GUCY1A2: variants seen among roughly 807,000 people sequenced by gnomAD.
The protein encoded by GUCY1A2 is guanylate cyclase soluble subunit alpha-2.
In GUCY1A2, 27 loss-of-function variants were observed where a neutral mutation model predicts 63.5. That is an observed-to-expected ratio of 0.43 (90% CI 0.31 to 0.59). GUCY1A2 has a LOEUF of 0.59. GUCY1A2 is among the 20% of genes least tolerant of loss of function. The pLI is 0.11. For synonymous variants in GUCY1A2, 364 were observed against 343.5 expected (o/e 1.06, Z -0.66); for missense variants, 768 against 913.3 (o/e 0.84, Z 2.05).
At chr11:106,974,526 AAC>A (rs1288082478) in intron 3 of GUCY1A2, among the ~76,000 whole-genome samples, 1 of 152,156 alleles carries the variant, frequency 6.6e-6, no homozygotes, top group Non-Finnish European at 1.5e-5. Context: ...CTTATAAAAA[AAC>A]AGAGAGTTCC....
At chr11:106,890,649 A>C (rs567907886) in intron 4 of GUCY1A2, among the ~76,000 whole-genome samples, 1 of 152,262 alleles carries the variant, frequency 6.6e-6, no homozygotes, top group Admixed American at 6.5e-5. Flanking sequence ...CTATCCAATC[A>C]ATTTTTACAC....
At chr11:107,008,670 G>A (rs1163113313) in intron 1 of GUCY1A2, among the ~76,000 whole-genome samples, 1 of 152,120 alleles carries the variant, frequency 6.6e-6, no homozygotes, top group Non-Finnish European at 1.5e-5. Context: ...CCATCTCAAA[G>A]AGGCAGAATA....
chr11:106,969,713 T>C (rs1039365998), intron 3 of GUCY1A2, among the ~76,000 whole-genome samples: 2 of 152,186 alleles, frequency 1.3e-5, no homozygotes, highest in African/African-American at 2.4e-5. Context: ...AAGGGAAGAA[T>C]AATCTTCCTT....
At chr11:106,836,027 TGATTC>T (rs1859112558) in intron 4 of GUCY1A2, among the ~76,000 whole-genome samples, 1 of 152,032 alleles carries the variant, frequency 6.6e-6, no homozygotes, top group South Asian at 2.1e-4. Flanking sequence ...GCATCCCAAA[TGATTC>T]TTTGTATTGA....
chr11:106,738,280 T>C (rs1359933240), intron 6 of GUCY1A2, among the ~76,000 whole-genome samples: 6 of 152,210 alleles, frequency 3.9e-5, no homozygotes, highest in African/African-American at 1.4e-4. Context: ...CTTTGTAGAA[T>C]CTGGGTATTA....
chr11:106,971,791 G>A (rs1296615182), intron 3 of GUCY1A2, among the ~76,000 whole-genome samples: 1 of 152,122 alleles, frequency 6.6e-6, no homozygotes, highest in Non-Finnish European at 1.5e-5. Context: ...TACAACCAAT[G>A]CCCAGGTCAT....
At chr11:106,936,734 C>T (rs1450866326) in intron 4 of GUCY1A2, 8 of 1,439,086 alleles carry the variant, frequency 5.6e-6, no homozygotes, top group South Asian at 1.2e-5. Context: ...TTTTTTATGG[C>T]AGACGTAGTG....
chr11:106,945,651 A>T (rs1860817310), intron 3 of GUCY1A2, among the ~76,000 whole-genome samples: 1 of 152,248 alleles, frequency 6.6e-6, no homozygotes, highest in South Asian at 2.1e-4. Context: ...GGACAGTTGT[A>T]GTATGAACAT....
At chr11:106,879,610 T>C (rs1237213893) in intron 4 of GUCY1A2, among the ~76,000 whole-genome samples, 1 of 152,120 alleles carries the variant, frequency 6.6e-6, no homozygotes, top group East Asian at 1.9e-4. Flanking sequence ...GGTTTGAGGT[T>C]TGTTCCAGTG....
chr11:106,708,989 A>ATATT (rs1862970984), intron 6 of GUCY1A2, among the ~76,000 whole-genome samples: 1 of 150,710 alleles, frequency 6.6e-6, no homozygotes, highest in Non-Finnish European at 1.5e-5. Context: ...CTTGAAAAGT[A>ATATT]TATTTTTCTC....
chr11:106,870,436 A>C (rs1267262477), intron 4 of GUCY1A2, among the ~76,000 whole-genome samples: 1 of 152,134 alleles, frequency 6.6e-6, no homozygotes, highest in Non-Finnish European at 1.5e-5. Context: ...ATGTACAAGA[A>C]TTCCAAATTC....
intron 4 of GUCY1A2, among the ~76,000 whole-genome samples, chr11:106,838,749 T>C (rs1399907026): frequency 2.6e-5 from 4 of 152,088 alleles, no homozygotes; most frequent in Non-Finnish European, 5.9e-5. Context: ...GAGCATTTTT[T>C]CATGTCTGTT....
intron 6 of GUCY1A2, among the ~76,000 whole-genome samples, chr11:106,734,527 A>G (rs1863556124): frequency 6.6e-6 from 1 of 152,132 alleles, no homozygotes; most frequent in Non-Finnish European, 1.5e-5. Context: ...AAACCATGAC[A>G]TGTTTGCATA....
chr11:106,719,042 T>C (rs901434643), intron 6 of GUCY1A2, among the ~76,000 whole-genome samples: 4 of 152,124 alleles, frequency 2.6e-5, no homozygotes, highest in Non-Finnish European at 5.9e-5. Flanking sequence ...AATCATTCTG[T>C]GATATTTTAG....
At chr11:106,991,053 A>C (rs1861464157) in intron 1 of GUCY1A2, among the ~76,000 whole-genome samples, 1 of 152,132 alleles carries the variant, frequency 6.6e-6, no homozygotes, top group Non-Finnish European at 1.5e-5. Flanking sequence ...GCAATGGTGC[A>C]ATCTCAGCTC....
At chr11:106,692,067 C>T (rs917623639) in intron 7 of GUCY1A2, among the ~76,000 whole-genome samples, 14 of 152,188 alleles carry the variant, frequency 9.2e-5, no homozygotes, top group African/African-American at 3.1e-4. Context: ...TTATTTAGAA[C>T]CTGATCATCC....
At chr11:106,955,136 C>A (rs1007777710) in intron 3 of GUCY1A2, among the ~76,000 whole-genome samples, 2 of 152,128 alleles carry the variant, frequency 1.3e-5, no homozygotes, top group African/African-American at 4.8e-5. Flanking sequence ...CCATGCCCAA[C>A]TAATTTTGTA....
chr11:106,998,938 G>A (rs563879585), intron 1 of GUCY1A2, among the ~76,000 whole-genome samples: 13 of 152,016 alleles, frequency 8.6e-5, no homozygotes, highest in African/African-American at 2.7e-4. Context: ...ATTTACCGTC[G>A]CAAAGGAGAT....
In GUCY1A2 at chr11:106,940,193, G is replaced by A. The variant is rs751676951; in HGVS notation, c.488-15C>T. ...AAACTTCAAACCTAGAGGTAAATGG[G>A]AAGCAAATGTTAGTGAAGTCTAATA... On this transcript the variant is annotated splice_polypyrimidine_tract_variant and intron_variant, in intron 3 of 7. Coordinates refer to ENST00000526355, the MANE Select transcript of GUCY1A2 (RefSeq NM_000855.3). 2.5e-6 allele frequency: 3 copies of A among 1,212,372 alleles called. No homozygotes were observed. The highest frequency in any genetic ancestry group is 3.0e-5 in the African/African-American group (2 of 65,910). 75.1% of individuals were successfully genotyped at this position (1,212,372 alleles called of 1,614,324 possible).
Sources: allele counts gnomAD v4.1 joint callset (sites outside exome capture counted in the v4.1 genomes callset), GRCh38; gene constraint gnomAD v4.1.1; transcripts MANE v1.5; gene names NCBI Gene and HGNC (gene_info 2026-07-23, HGNC 2026-07-21).